The following CTSH variants were observed in gnomAD, a reference collection of about 807,000 sequenced individuals.
CTSH encodes pro-cathepsin H.
CTSH carries 52 observed loss-of-function variants against 56.3 expected under a neutral mutation model. The ratio of observed to expected loss-of-function variants is 0.92; its 90% CI spans 0.74 to 1.16. The LOEUF (loss-of-function observed/expected upper bound fraction) is 1.16. Ranked by LOEUF, CTSH falls within the 50% of genes most tolerant of loss-of-function variation. The probability of loss-of-function intolerance (pLI) is 0.00; values close to 1 mark genes in which losing one functional copy is unlikely to be tolerated. For missense variants in CTSH, 406 were observed against 424.5 expected, an observed-to-expected ratio of 0.96 and a Z score of 0.38; for synonymous variants, 174 against 155.7, an observed-to-expected ratio of 1.12 and a Z score of -0.88.
intron 11 of CTSH, among the ~76,000 whole-genome samples, chr15:78,922,595 C>A (rs527917198): frequency 6.6e-6 from 1 of 152,314 alleles, no homozygotes; most frequent in African/African-American, 2.4e-5. Context: ...TACACCCAGG[C>A]CGCCCCATGC....
chr15:78,924,888 GT>G (rs2054869366), intron 10 of CTSH, among the ~76,000 whole-genome samples: 1 of 151,040 alleles, frequency 6.6e-6, no homozygotes, highest in African/African-American at 2.4e-5. Flanking sequence ...TAGAGATGGG[GT>G]TTCGCCATGT....
chr15:78,945,034 C>G lies in CTSH; in HGVS notation c.-53G>C. ...CTCAGGGTCCGCGGAGGTGGCGGCC[C>G]AGAGCGTCAACTGGGAGCGCGGGGG... On this transcript the variant is annotated 5_prime_UTR_variant, in exon 1 of 12. Coordinates refer to ENST00000220166, the MANE Select transcript of CTSH (RefSeq NM_004390.5). 1 of 1,429,240 alleles carries G rather than the reference C, an allele frequency of 7.0e-7. No individual in the cohort carries two copies. 88.5% of individuals were successfully genotyped at this position (1,429,240 alleles called of 1,614,324 possible).
At chr15:78,937,845 T>G (rs950931984) in intron 2 of CTSH, 10 of 1,276,150 alleles carry the variant, frequency 7.8e-6, no homozygotes, top group African/African-American at 4.6e-5. Flanking sequence ...TGTGTATAAT[T>G]TTTTATTGAT....
At chr15:78,922,676 C>T (rs759177710) in intron 11 of CTSH, among the ~76,000 whole-genome samples, 6 of 152,188 alleles carry the variant, frequency 3.9e-5, no homozygotes, top group Non-Finnish European at 5.9e-5. Context: ...TTCTCAAAGA[C>T]GGACCCTCCC....
At chr15:78,937,235 C>A in intron 3 of CTSH, 83 bp downstream of exon 3, 1 of 1,135,630 alleles carries the variant, frequency 8.8e-7, no homozygotes, top group Non-Finnish European at 1.3e-6. Context: ...GCTCCCTCCA[C>A]CCACCAGCCC....
intron 6 of CTSH, 140 bp from the exon 7 acceptor site, chr15:78,931,646 A>T: frequency 6.5e-7 from 1 of 1,526,928 alleles, no homozygotes; most frequent in Non-Finnish European, 8.8e-7. Flanking sequence ...TAAACTCCCC[A>T]AGGGCAGGGA....
chr15:78,933,198 C>G (rs2055103870), intron 5 of CTSH, among the ~76,000 whole-genome samples: 1 of 152,250 alleles, frequency 6.6e-6, no homozygotes, highest in Non-Finnish European at 1.5e-5. Context: ...TGCAGCCTGC[C>G]TGCCTGGTTC....
intron 6 of CTSH, chr15:78,932,079 G>T: frequency 8.0e-7 from 1 of 1,255,362 alleles, no homozygotes; most frequent in Non-Finnish European, 1.0e-6. Flanking sequence ...TACCCACCAG[G>T]CAGGCTCCGC....
chr15:78,933,537 C>T (rs1403181246), intron 5 of CTSH: 1 of 455,474 alleles, frequency 2.2e-6, no homozygotes, highest in African/African-American at 2.0e-5. Flanking sequence ...CAATCTCTTC[C>T]CTTCACATAT....
chr15:78,944,257 C>T (rs1410637487), intron 1 of CTSH, among the ~76,000 whole-genome samples: 2 of 152,180 alleles, frequency 1.3e-5, no homozygotes, highest in Non-Finnish European at 2.9e-5. Context: ...TGAGCCCGGG[C>T]AGTAGACAGG....
At chr15:78,938,796 T>C (rs1567376329) in intron 2 of CTSH, among the ~76,000 whole-genome samples, 1 of 151,962 alleles carries the variant, frequency 6.6e-6, no homozygotes, top group Non-Finnish European at 1.5e-5. Flanking sequence ...TGCTGGGTCA[T>C]ATGGTAGTTT....
intron 5 of CTSH, among the ~76,000 whole-genome samples, 187 bp from the exon 6 acceptor site, chr15:78,932,645 C>T (rs1204654630): frequency 6.6e-6 from 1 of 150,890 alleles, no homozygotes; most frequent in East Asian, 1.9e-4. Context: ...TCCATTCATT[C>T]TGAGGCTCGC....
Position 78,933,560 on chromosome 15 carries a change from G to T in CTSH, c.406-1102C>A, listed in dbSNP as rs1473412352. Reference sequence around the variant, plus strand: ...TCCCTTCACATATCTCTCTCAGCTGGGGGAGGGAGGGACGGCCTGGTGAGA... The same window carrying T: ...TCCCTTCACATATCTCTCTCAGCTGTGGGAGGGAGGGACGGCCTGGTGAGA... On this transcript the variant is annotated intron_variant, in intron 5 of 11. Transcript: ENST00000220166. 5 of 455,130 alleles carry T rather than the reference G, an allele frequency of 1.1e-5. No individual in the cohort carries two copies. The East Asian group carries it at 3.5e-4, about 32-fold the overall frequency. 28.2% of individuals were successfully genotyped at this position (455,130 alleles called of 1,614,324 possible). A position where few individuals can be genotyped will look rare whatever the true frequency, so the allele number is the denominator to read the frequency against.
At chr15:78,927,804 GA>G in intron 8 of CTSH, 23 bp from the exon 9 acceptor site, 1 of 1,608,220 alleles carries the variant, frequency 6.2e-7, no homozygotes. Flanking sequence ...CAAAGGGCAT[GA>G]AATACAGGTT....
chr15:78,935,548 A>G, intron 4 of CTSH, 132 bp downstream of exon 4: 2 of 713,628 alleles, frequency 2.8e-6, no homozygotes, highest in Non-Finnish European at 4.6e-6. Context: ...TGGTTCCCCC[A>G]AAGAATCTGG....
chr15:78,922,691 A>G (rs907163036), intron 11 of CTSH, among the ~76,000 whole-genome samples: 10 of 152,180 alleles, frequency 6.6e-5, no homozygotes, highest in African/African-American at 2.4e-4. Flanking sequence ...CCTCCCAGAC[A>G]CTGATTTCGT....
chr15:78,924,098 G>C (rs1308946733), intron 10 of CTSH, among the ~76,000 whole-genome samples: 1 of 8,708 alleles, frequency 1.1e-4, no homozygotes, highest in Non-Finnish European at 2.6e-4. Context: ...CAACCCAGCG[G>C]GGGGGGGGGG....
chr15:78,937,914 T>A, intron 2 of CTSH: 1 of 815,870 alleles, frequency 1.2e-6, no homozygotes, highest in Non-Finnish European at 1.7e-6. Context: ...ATATAATGTG[T>A]AATAATCAAA....
chr15:78,941,077 A>G (rs2055277156), intron 1 of CTSH, among the ~76,000 whole-genome samples: 1 of 152,210 alleles, frequency 6.6e-6, no homozygotes, highest in Non-Finnish European at 1.5e-5. Context: ...ATACATTTTT[A>G]TGCTTGATCA....
Sources: allele counts gnomAD v4.1 joint callset (sites outside exome capture counted in the v4.1 genomes callset), GRCh38; gene constraint gnomAD v4.1.1; transcripts MANE v1.5; gene names NCBI Gene and HGNC (gene_info 2026-07-23, HGNC 2026-07-21).